FARS2: variants seen among roughly 807,000 people sequenced by gnomAD.
FARS2 encodes phenylalanyl-tRNA synthetase 2, mitochondrial, also known as phenylalanine--tRNA ligase, mitochondrial.
FARS2 carries 40 observed loss-of-function variants against 46.4 expected under a neutral mutation model. That is an observed-to-expected ratio of 0.86 (90% CI 0.67 to 1.12). The LOEUF (loss-of-function observed/expected upper bound fraction) is 1.12, where lower values mean the gene tolerates loss of function less well. Among genes scored for constraint, FARS2 ranks in the 50% most tolerant of loss-of-function variants. FARS2 has a pLI of 0.00. For missense variants in FARS2, 513 were observed against 567.9 expected, an observed-to-expected ratio of 0.90 and a Z score of 0.98; for synonymous variants, 234 against 214.9, an observed-to-expected ratio of 1.09 and a Z score of -0.78.
chr6:5,667,313 T>A (rs1463654793), intron 6 of FARS2, among the ~76,000 whole-genome samples: 2 of 151,702 alleles, frequency 1.3e-5, no homozygotes, highest in Non-Finnish European at 2.9e-5. Flanking sequence ...AGGTCAGGAG[T>A]TCGAGACCAG....
In FARS2 at chr6:5,350,330, A is replaced by C. The variant is rs184890395; in HGVS notation, c.-21-18220A>C. ...GCCCCAGCAAGATTTTTTTATACAC[A>C]AGCTGTTTTTCAGTTTTGTTTGGAA... On this transcript the variant is annotated intron_variant, in intron 1 of 6. Transcript: ENST00000274680. Among the ~76,000 whole-genome samples, 630 of 152,060 alleles carry C rather than the reference A, an allele frequency of 4.1e-3. 3 individuals carry two copies. Among genetic ancestry groups the C allele is most frequent in the Middle Eastern group, 0.014 (4 of 294 alleles).
At chr6:5,446,214 A>AT (rs1347661986) in intron 4 of FARS2, among the ~76,000 whole-genome samples, 1 of 152,012 alleles carries the variant, frequency 6.6e-6, no homozygotes, top group African/African-American at 2.4e-5. Context: ...AAAAAAAAAA[A>AT]AAAGAAAATT....
At chr6:5,372,360 GTA>G (rs1228988317) in intron 2 of FARS2, among the ~76,000 whole-genome samples, 1 of 152,072 alleles carries the variant, frequency 6.6e-6, no homozygotes. Flanking sequence ...AATTATATAT[GTA>G]TATGTGTATA....
At chr6:5,638,965 C>T (rs980736919) in intron 6 of FARS2, among the ~76,000 whole-genome samples, 4 of 152,212 alleles carry the variant, frequency 2.6e-5, no homozygotes, top group Non-Finnish European at 4.4e-5. Context: ...CATAGCAGCA[C>T]TCATAACTGA....
At chr6:5,348,261 T>TCATATATTA (rs1330115306) in intron 1 of FARS2, among the ~76,000 whole-genome samples, 1 of 152,114 alleles carries the variant, frequency 6.6e-6, no homozygotes, top group African/African-American at 2.4e-5. Context: ...GAAAGCATTC[T>TCATATATTA]CATATATTTT....
chr6:5,608,965 A>T (rs1331235716), intron 5 of FARS2, among the ~76,000 whole-genome samples: 1 of 152,216 alleles, frequency 6.6e-6, no homozygotes, highest in East Asian at 1.9e-4. Flanking sequence ...GTGCCAAAAA[A>T]AAAAATCTGT....
Position 5,459,533 on chromosome 6 carries a change from C to T in FARS2, c.904+28361C>T, listed in dbSNP as rs566182304. On this transcript the variant is annotated intron_variant, in intron 4 of 6. Transcript: ENST00000274680. ...TTGTGGGCGGTGGTGGAATGTGCTC[C>T]GGTTGCCTGCTGCCCATGTCGGTGT... 5.3e-5 allele frequency among the ~76,000 whole-genome samples: 8 copies of T among 152,206 alleles called. No individual in the cohort carries two copies. In the East Asian group the frequency reaches 9.7e-4, roughly 18 times the overall value.
At chr6:5,376,000 A>G (rs1759353153) in intron 2 of FARS2, among the ~76,000 whole-genome samples, 1 of 152,180 alleles carries the variant, frequency 6.6e-6, no homozygotes, top group Non-Finnish European at 1.5e-5. Context: ...TCTGCCTAAT[A>G]AAAGTCTCCA....
chr6:5,699,102 G>T (rs552327549), intron 6 of FARS2, among the ~76,000 whole-genome samples: 8 of 152,288 alleles, frequency 5.3e-5, no homozygotes, highest in African/African-American at 1.9e-4. Context: ...TCCTGGTAGG[G>T]CCTTTTACAA....
intron 6 of FARS2, among the ~76,000 whole-genome samples, chr6:5,650,509 A>T (rs1393484758): frequency 1.3e-5 from 2 of 152,102 alleles, no homozygotes; most frequent in Non-Finnish European, 2.9e-5. Flanking sequence ...TTGTAAAGAC[A>T]TTTTGTAGTA....
At chr6:5,609,113 G>C in intron 5 of FARS2, 1 of 662,150 alleles carries the variant, frequency 1.5e-6, no homozygotes, top group Non-Finnish European at 2.8e-6. Flanking sequence ...TGTCTTCTTT[G>C]TAGCAGCTAG....
At chr6:5,601,325 C>T (rs1289461215) in intron 5 of FARS2, among the ~76,000 whole-genome samples, 1 of 151,900 alleles carries the variant, frequency 6.6e-6, no homozygotes, top group Non-Finnish European at 1.5e-5. Context: ...AGTTCGAGAC[C>T]AGCCTGACCA....
At chr6:5,478,547 T>C (rs1766259502) in intron 4 of FARS2, among the ~76,000 whole-genome samples, 2 of 152,158 alleles carry the variant, frequency 1.3e-5, no homozygotes, top group African/African-American at 4.8e-5. Flanking sequence ...GAGCTCCCCA[T>C]CTGTTCATCC....
At chr6:5,332,398 A>G (rs1354582086) in intron 1 of FARS2, among the ~76,000 whole-genome samples, 1 of 152,246 alleles carries the variant, frequency 6.6e-6, no homozygotes, top group Non-Finnish European at 1.5e-5. Flanking sequence ...ATGAAGTGCT[A>G]AGAATCAATA....
At chr6:5,298,510 G>T (rs1366350383) in intron 1 of FARS2, among the ~76,000 whole-genome samples, 2 of 152,200 alleles carry the variant, frequency 1.3e-5, no homozygotes, top group African/African-American at 4.8e-5. Context: ...GATTTGGAAG[G>T]TATCTTTAGA....
chr6:5,455,181 C>G (rs970518496), intron 4 of FARS2, among the ~76,000 whole-genome samples: 1 of 152,054 alleles, frequency 6.6e-6, no homozygotes, highest in Non-Finnish European at 1.5e-5. Flanking sequence ...TTGGTTATTG[C>G]TTATTTGTTT....
chr6:5,453,165 C>T lies in FARS2; in HGVS notation c.904+21993C>T, dbSNP rs555270871. Among the ~76,000 whole-genome samples, 36 of 152,286 alleles carry T rather than the reference C, an allele frequency of 2.4e-4. 2 individuals carry two copies. Among genetic ancestry groups the T allele is most frequent in the African/African-American group, 8.2e-4 (34 of 41,550 alleles). On this transcript the variant is annotated intron_variant, in intron 4 of 6. Coordinates refer to ENST00000274680, the MANE Select transcript of FARS2 (RefSeq NM_006567.5). Reference sequence around the variant, plus strand: ...AATTTATTTACAAATTTAACTGCAACATCGTTCTGTAAAGGATATGAGATA... The same window carrying T: ...AATTTATTTACAAATTTAACTGCAATATCGTTCTGTAAAGGATATGAGATA...
rs961562620 is a variant in FARS2 at position 5,297,873 on chromosome 6, A to G, written c.-22+36213A>G. ...TTTTGCCTTTAAATAATTTAAAGCA[A>G]ATATGCGTTGGTTCCTGTGGAGTTT... On this transcript the variant is annotated intron_variant, in intron 1 of 6. Coordinates refer to ENST00000274680, the MANE Select transcript of FARS2 (RefSeq NM_006567.5). 2.4e-4 allele frequency among the ~76,000 whole-genome samples: 37 copies of G among 152,218 alleles called. 1 individual carries two copies. The highest frequency in any genetic ancestry group is 1.2e-4 in the Non-Finnish European group (8 of 68,034).
intron 1 of FARS2, among the ~76,000 whole-genome samples, chr6:5,327,900 T>C (rs1231196401): frequency 6.6e-6 from 1 of 152,220 alleles, no homozygotes; most frequent in Non-Finnish European, 1.5e-5. Context: ...TTCCACTTGA[T>C]GGGTTCCACT....
Sources: allele counts gnomAD v4.1 joint callset (sites outside exome capture counted in the v4.1 genomes callset), GRCh38; gene constraint gnomAD v4.1.1; transcripts MANE v1.5; gene names NCBI Gene and HGNC (gene_info 2026-07-23, HGNC 2026-07-21).